Variants in CACNA1D observed in about 807,000 individuals in gnomAD.
The protein encoded by CACNA1D is voltage-dependent L-type calcium channel subunit alpha-1D.
A neutral mutation model predicts 257.1 loss-of-function variants in CACNA1D; 55 were observed. The ratio of observed to expected loss-of-function variants is 0.21; its 90% CI spans 0.17 to 0.27. The LOEUF (loss-of-function observed/expected upper bound fraction) is 0.27, where lower values mean the gene tolerates loss of function less well. CACNA1D is among the 10% of genes least tolerant of loss of function. The probability of loss-of-function intolerance (pLI) is 1.00; values close to 1 mark genes in which losing one functional copy is unlikely to be tolerated. For synonymous variants in CACNA1D, 980 were observed against 1,014.9 expected, an observed-to-expected ratio of 0.97 and a Z score of 0.65; for missense variants, 1,876 against 2,784.0, an observed-to-expected ratio of 0.67 and a Z score of 7.34.
At chr3:53,763,043 G>T (rs2095312575) in intron 30 of CACNA1D, among the ~76,000 whole-genome samples, 1 of 152,178 alleles carries the variant, frequency 6.6e-6, no homozygotes, top group South Asian at 2.1e-4. Flanking sequence ...GGTTCTGTGA[G>T]GGCACAGGCA....
intron 14 of CACNA1D, 34 bp downstream of exon 14, chr3:53,724,033 C>G (rs201260489): frequency 6.5e-7 from 1 of 1,546,284 alleles, no homozygotes; most frequent in East Asian, 2.2e-5. Flanking sequence ...AAAAGCACTT[C>G]GTGAGCAGCA....
At chr3:53,636,381 G>A (rs996938544) in intron 3 of CACNA1D, among the ~76,000 whole-genome samples, 1 of 152,188 alleles carries the variant, frequency 6.6e-6, no homozygotes, top group Non-Finnish European at 1.5e-5. Flanking sequence ...TCGGCTCACT[G>A]CAACCACGGC....
chr3:53,805,226 G>C, intron 45 of CACNA1D, 80 bp downstream of exon 45: 1 of 1,345,296 alleles, frequency 7.4e-7, no homozygotes. Context: ...CTGGGGGCCG[G>C]TGATGGATGT....
At chr3:53,607,145 G>A (rs2093520961) in intron 3 of CACNA1D, among the ~76,000 whole-genome samples, 1 of 152,184 alleles carries the variant, frequency 6.6e-6, no homozygotes, top group South Asian at 2.1e-4. Context: ...AGGTGTTTGT[G>A]TACACACATA....
chr3:53,749,260 C>A lies in CACNA1D; in HGVS notation c.3315-8C>A, dbSNP rs1225217468. 6.2e-7 allele frequency: 1 copy of A among 1,610,914 alleles called. No individual in the cohort carries two copies. The highest frequency in any genetic ancestry group is 1.7e-5 in the Admixed American group (1 of 59,986). On this transcript the variant is annotated splice_region_variant and splice_polypyrimidine_tract_variant and intron_variant, in intron 26 of 47. Coordinates refer to ENST00000350061, the MANE Select transcript of CACNA1D (RefSeq NM_001128840.3). ...TGGCAGGTCCTCACTTGGTTTTTCT[C>A]TCTCTAGGTTGCTGTATAAAGCCAT... is the stretch of plus-strand genomic sequence containing the variant.
chr3:53,715,182 T>C (rs889090459), intron 9 of CACNA1D, among the ~76,000 whole-genome samples: 1 of 152,178 alleles, frequency 6.6e-6, no homozygotes, highest in East Asian at 1.9e-4. Context: ...AAGGGCTGTT[T>C]CCAGGACCAA....
intron 3 of CACNA1D, among the ~76,000 whole-genome samples, chr3:53,520,851 T>G (rs933368324): frequency 1.3e-5 from 1 of 77,090 alleles, no homozygotes; most frequent in South Asian, 4.7e-4. Flanking sequence ...TGCAAACTCC[T>G]TTCTTTCTTT....
chr3:53,520,890 CTTTCT>C (rs777679306), intron 3 of CACNA1D, among the ~76,000 whole-genome samples: 192 of 120,634 alleles, frequency 1.6e-3, no homozygotes, highest in Middle Eastern at 4.0e-3. Context: ...TTCTTTCTTT[CTTTCT>C]TTTCTTTTCT....
rs1266126300 is a variant in CACNA1D at position 53,805,003 on chromosome 3, G to A, written c.5606G>A (p.Ser1869Asn). The change falls in exon 45 of 48, where the codon AGC becomes AAC. Residue 1869 changes from serine to asparagine, a missense_variant. Ser to Asn is a conservative substitution (Grantham distance 46). Transcript: ENST00000350061. ...TWSRQNYGYYSRYPGRNIDSE... is the reference protein window; with the variant it reads ...TWSRQNYGYYNRYPGRNIDSE... ...TCCAGGCAAAACTATGGCTACTACA[G>A]CAGATACCCAGGCAGAAACATCGAC... 6.2e-7 allele frequency: 1 copy of A among 1,614,092 alleles called. No homozygotes were observed. Among genetic ancestry groups the A allele is most frequent in the East Asian group, 2.2e-5 (1 of 44,886 alleles).
chr3:53,501,848 GC>G, intron 3 of CACNA1D, 128 bp downstream of exon 3: 1 of 674,804 alleles, frequency 1.5e-6, no homozygotes, highest in East Asian at 2.7e-5. Context: ...TTGGAGCTTT[GC>G]AACAGTGGTT....
chr3:53,712,179 G>C (rs10510765), intron 9 of CACNA1D, among the ~76,000 whole-genome samples: 27,981 of 152,236 alleles, frequency 0.18, 2,819 homozygotes, highest in Non-Finnish European at 0.23. Flanking sequence ...GATTCTTTAA[G>C]GATTCTTGTG....
intron 5 of CACNA1D, among the ~76,000 whole-genome samples, chr3:53,664,746 C>T (rs1023856035): frequency 1.3e-5 from 2 of 152,232 alleles, no homozygotes; most frequent in African/African-American, 2.4e-5. Flanking sequence ...TTGTCACCTG[C>T]ATGGACCTTG....
chr3:53,497,109 C>G, intron 1 of CACNA1D, 43 bp from the exon 2 acceptor site: 1 of 1,544,426 alleles, frequency 6.5e-7, no homozygotes, highest in Non-Finnish European at 8.9e-7. Context: ...CCACTGGATC[C>G]TCATTTAAAA....
intron 8 of CACNA1D, among the ~76,000 whole-genome samples, chr3:53,694,917 C>T (rs553398011): frequency 1.2e-4 from 19 of 152,100 alleles, no homozygotes; most frequent in Non-Finnish European, 2.4e-4. Context: ...GTTTCAGAGA[C>T]GATTTTGGCT....
At chr3:53,750,042 G>A (rs2095212234) in intron 27 of CACNA1D, among the ~76,000 whole-genome samples, 1 of 152,198 alleles carries the variant, frequency 6.6e-6, no homozygotes, top group African/African-American at 2.4e-5. Context: ...GCCCCTTGTT[G>A]AGAACTGCTG....
At chr3:53,681,524 T>C (rs2094430037) in intron 8 of CACNA1D, among the ~76,000 whole-genome samples, 2 of 152,182 alleles carry the variant, frequency 1.3e-5, no homozygotes, top group African/African-American at 4.8e-5. Context: ...CCAAGTGCCC[T>C]GCTAGGCACT....
chr3:53,773,397 T>G (rs2095377797), intron 33 of CACNA1D: 1 of 187,016 alleles, frequency 5.3e-6, no homozygotes, highest in Non-Finnish European at 1.1e-5. Context: ...TCCCAGTTCC[T>G]CCTGGGCATG....
At chr3:53,737,769 A>G (rs1185570163) in intron 20 of CACNA1D, among the ~76,000 whole-genome samples, 1 of 152,208 alleles carries the variant, frequency 6.6e-6, no homozygotes, top group Non-Finnish European at 1.5e-5. Context: ...GTTGCAGTGA[A>G]CTGAGATCAT....
intron 3 of CACNA1D, among the ~76,000 whole-genome samples, chr3:53,553,380 A>G (rs1485866266): frequency 6.6e-6 from 1 of 152,208 alleles, no homozygotes; most frequent in African/African-American, 2.4e-5. Flanking sequence ...ACAGTCTTTA[A>G]GAGCACTGTT....
Sources: allele counts gnomAD v4.1 joint callset (sites outside exome capture counted in the v4.1 genomes callset), GRCh38; gene constraint gnomAD v4.1.1; transcripts MANE v1.5; gene names NCBI Gene and HGNC (gene_info 2026-07-23, HGNC 2026-07-21).